TFIP11: variants seen among roughly 807,000 people sequenced by gnomAD.
The protein encoded by TFIP11 is tuftelin interacting protein 11.
Under a neutral mutation model 96.8 loss-of-function variants are expected in TFIP11, and 86 were observed. The ratio of observed to expected loss-of-function variants is 0.89; its 90% confidence interval spans 0.75 to 1.06. TFIP11 has a LOEUF of 1.06. Among genes scored for constraint, TFIP11 ranks in the 50% least tolerant of loss-of-function variants. TFIP11 has a pLI of 0.00. For missense variants in TFIP11, 881 were observed against 1,076.7 expected (o/e 0.82, Z 2.54); for synonymous variants, 405 against 395.2 (o/e 1.02, Z -0.29).
chr22:26,507,693 C>A (rs1331682915), intron 4 of TFIP11, among the ~76,000 whole-genome samples: 1 of 151,478 alleles, frequency 6.6e-6, no homozygotes, highest in Non-Finnish European at 1.5e-5. Flanking sequence ...GAAATTAACT[C>A]TATAAAATGA....
intron 4 of TFIP11, among the ~76,000 whole-genome samples, chr22:26,509,324 C>G (rs1451992038): frequency 6.6e-6 from 1 of 152,180 alleles, no homozygotes; most frequent in Non-Finnish European, 1.5e-5. Context: ...GTCATATCAG[C>G]TTAAGGGTCA....
At chr22:26,505,217 T>C (rs770747490) in intron 6 of TFIP11, among the ~76,000 whole-genome samples, 19 of 150,850 alleles carry the variant, frequency 1.3e-4, no homozygotes, top group Non-Finnish European at 2.7e-4. Flanking sequence ...AGAATCCAAC[T>C]GTTTGGTTTG....
Position 26,491,903 on chromosome 22 carries a change from A to T in TFIP11, c.*110T>A. Reference sequence around the variant, plus strand: ...CTCATGACCTGGCCTGATGTGGAGTAGCTCCTGAGTAAAGAAGTTACCCTT... The same window carrying T: ...CTCATGACCTGGCCTGATGTGGAGTTGCTCCTGAGTAAAGAAGTTACCCTT... On this transcript the variant is annotated 3_prime_UTR_variant, in exon 15 of 15. Transcript: ENST00000407690. The T allele has an allele frequency of 8.7e-7, 1 of 1,143,750 alleles. No individual in the cohort carries two copies. Among genetic ancestry groups the T allele is most frequent in the African/African-American group, 1.5e-5 (1 of 64,622 alleles). 70.9% of individuals were successfully genotyped at this position (1,143,750 alleles called of 1,614,324 possible). A position where few individuals can be genotyped will look rare whatever the true frequency, so the allele number is the denominator to read the frequency against.
chr22:26,498,736 A>G (rs1922371614), intron 10 of TFIP11, 133 bp downstream of exon 10: 4 of 693,368 alleles, frequency 5.8e-6, no homozygotes, highest in Admixed American at 2.4e-5. Context: ...ATGAATTTAA[A>G]TTCCTAAAGC....
chr22:26,508,641 G>A (rs147202964), intron 4 of TFIP11, among the ~76,000 whole-genome samples: 101 of 152,076 alleles, frequency 6.6e-4, no homozygotes, highest in African/African-American at 2.4e-3. Flanking sequence ...GGATGACAAG[G>A]TCAAGAGATC....
intron 4 of TFIP11, among the ~76,000 whole-genome samples, chr22:26,508,664 G>A (rs1923700624): frequency 6.6e-6 from 1 of 152,116 alleles, no homozygotes; most frequent in African/African-American, 2.4e-5. Flanking sequence ...GGCCAACATG[G>A]TGAAACCCCG....
chr22:26,491,487 G>T lies in TFIP11; in HGVS notation c.*526C>A. On this transcript the variant is annotated 3_prime_UTR_variant, in exon 15 of 15. Coordinates refer to ENST00000407690, the MANE Select transcript of TFIP11 (RefSeq NM_012143.4). ...GATTTTAAAAGGACTGGAGGAGCTT[G>T]AGTTTCCTCAGACTTCACAATACAT... 1 of 1,613,550 alleles carries T rather than the reference G, an allele frequency of 6.2e-7. No individual in the cohort carries two copies. The highest frequency in any genetic ancestry group is 8.5e-7 in the Non-Finnish European group (1 of 1,179,954).
At chr22:26,492,477 T>C in intron 14 of TFIP11, 109 bp from the exon 15 acceptor site, 1 of 957,052 alleles carries the variant, frequency 1.0e-6, no homozygotes, top group Non-Finnish European at 1.6e-6. Context: ...TGTGACTCAC[T>C]GAAGGGCAGC....
Position 26,510,232 on chromosome 22 carries a change from A to G in TFIP11, c.41T>C (p.Ile14Thr). 1 of 1,614,054 alleles carries G rather than the reference A, an allele frequency of 6.2e-7. No homozygotes were observed. Among genetic ancestry groups the G allele is most frequent in the Non-Finnish European group, 8.5e-7 (1 of 1,180,024 alleles). ...CTCCCGCTCGTCATCATCATCATCA[A>G]TGCGGCCTTCCCCATCCCGGTATAA... ...SHLYRDGEGR[I>T]DDDDDERENF... Residue 14 changes from isoleucine to threonine, a missense_variant, in exon 4 of 15, where the codon ATT becomes ACT. Physicochemically the swap from Ile to Thr is moderately conservative, Grantham distance 89. Transcript: ENST00000407690.
At position 26,506,819 on chromosome 22, in the gene TFIP11, G is replaced by A; in HGVS notation, c.319C>T (p.Gln107Ter). 1 of 1,614,174 alleles carries A rather than the reference G, an allele frequency of 6.2e-7. No homozygotes were observed. The highest frequency in any genetic ancestry group is 1.1e-5 in the South Asian group (1 of 91,082). The change falls in exon 5 of 15, where the codon CAG becomes TAG. Residue 107 changes from glutamine (Q) to a stop codon, truncating the protein, a stop_gained. Coordinates refer to ENST00000407690, the MANE Select transcript of TFIP11 (RefSeq NM_012143.4). LOFTEE classifies it high-confidence loss of function. ...CCAAAATCCTTAGGAAAGTCGTCCTGCTTAACAGGTTTCTCTTCGTCATCA... is the reference window on the plus strand; with the variant it reads ...CCAAAATCCTTAGGAAAGTCGTCCTACTTAACAGGTTTCTCTTCGTCATCA... ...DSDDEEKPVKQDDFPKDFGPR... is the reference protein window; with the variant it reads ...DSDDEEKPVK
In TFIP11 at chr22:26,494,144, T is replaced by C. The variant is rs939900288; in HGVS notation, c.2153A>G (p.Asn718Ser). ...AAATGGGAATCCTCACTTACCAACGTTGGAGGACACCGCCCGGTTCATGAT... is the reference window on the plus strand; with the variant it reads ...AAATGGGAATCCTCACTTACCAACGCTGGAGGACACCGCCCGGTTCATGAT... ...LDIMNRAVSS[N>S]VGAYMQPGAR... Residue 718 changes from asparagine (N) to serine (S), a missense_variant, in exon 14 of 15, where the codon AAC (asparagine) becomes AGC (serine). Asn to Ser is a conservative substitution (Grantham distance 46). Transcript: ENST00000407690. 3 of 1,613,876 alleles carry C rather than the reference T, an allele frequency of 1.9e-6. No individual in the cohort carries two copies. The highest frequency in any genetic ancestry group is 2.5e-6 in the Non-Finnish European group (3 of 1,179,758).
chr22:26,504,172 T>C (rs1435545330), intron 6 of TFIP11, among the ~76,000 whole-genome samples: 1 of 152,234 alleles, frequency 6.6e-6, no homozygotes, highest in Non-Finnish European at 1.5e-5. Flanking sequence ...ATTCCAATAC[T>C]ATACTGATTC....
rs987312026 is a variant in TFIP11 at position 26,506,782 on chromosome 22, A to G, written c.356T>C (p.Leu119Pro). ...DFPKDFGPRK[L>P]KTGGNFKPSQ... ...TCCTGCAATAGAGACTACCGTTTTT[A>G]GCTTCCTTGGTCCAAAATCCTTAGG... is the stretch of plus-strand genomic sequence containing the variant. The change falls in exon 5 of 15, where the codon CTA (leucine) becomes CCA (proline). Residue 119 changes from leucine (L) to proline (P), a missense_variant. Leu to Pro is a moderately conservative substitution (Grantham distance 98). Coordinates refer to ENST00000407690, the MANE Select transcript of TFIP11 (RefSeq NM_012143.4). 3.7e-6 allele frequency: 6 copies of G among 1,614,082 alleles called. No homozygotes were observed. The highest frequency in any genetic ancestry group is 5.1e-6 in the Non-Finnish European group (6 of 1,180,042).
In TFIP11 at chr22:26,492,030, T is replaced by C; in HGVS notation, c.2497A>G (p.Ile833Val). The C allele has an allele frequency of 6.2e-7, 1 of 1,600,784 alleles. No homozygotes were observed. The highest frequency in any genetic ancestry group is 8.5e-7 in the Non-Finnish European group (1 of 1,173,704). Reference protein sequence around the residue: ...TWVPTSLQSLIDMAK With the variant: ...TWVPTSLQSLVDMAK ...GCCACAGTTCACTTGGCCATGTCGA[T>C]CAGGCTCTGCAGTGAGGTGGGCACC... Residue 833 changes from isoleucine (I) to valine (V), a missense_variant, in exon 15 of 15, where the codon ATC becomes GTC. Coordinates refer to ENST00000407690, the MANE Select transcript of TFIP11 (RefSeq NM_012143.4).
At chr22:26,506,554 A>G in intron 5 of TFIP11, 95 bp from the exon 6 acceptor site, 1 of 1,471,900 alleles carries the variant, frequency 6.8e-7, no homozygotes, top group Non-Finnish European at 9.1e-7. Context: ...CCTAAGTTAT[A>G]CAGCACTATG....
intron 6 of TFIP11, among the ~76,000 whole-genome samples, 167 bp from the exon 7 acceptor site, chr22:26,503,960 T>C (rs1273935517): frequency 2.0e-5 from 3 of 152,192 alleles, no homozygotes; most frequent in Non-Finnish European, 4.4e-5. Context: ...TTGTCCCTTG[T>C]GATTTGAAAC....
At chr22:26,500,279 C>T (rs1328640682) in intron 8 of TFIP11, among the ~76,000 whole-genome samples, 2 of 152,126 alleles carry the variant, frequency 1.3e-5, no homozygotes, top group East Asian at 3.9e-4. Flanking sequence ...AAGCCATTCT[C>T]CTGCCTCAGC....
chr22:26,496,054 C>T lies in TFIP11; in HGVS notation c.1849+19G>A. The T allele has an allele frequency of 6.2e-7, 1 of 1,609,814 alleles. No homozygotes were observed. The highest frequency in any genetic ancestry group is 8.5e-7 in the Non-Finnish European group (1 of 1,177,418). On this transcript the variant is annotated intron_variant, in intron 12 of 14. Coordinates refer to ENST00000407690, the MANE Select transcript of TFIP11 (RefSeq NM_012143.4). The stretch of plus-strand genomic sequence containing the variant: ...CACCAAAGCTGCTGGGCTTGGAATG[C>T]ATTTCCCCTTATCCTTACCCAGCTT...
chr22:26,497,411 C>T (rs963060897), intron 10 of TFIP11, among the ~76,000 whole-genome samples: 1 of 152,172 alleles, frequency 6.6e-6, no homozygotes, highest in African/African-American at 2.4e-5. Context: ...AGGGTAAGCC[C>T]AGCACCTAGC....
Sources: allele counts gnomAD v4.1 joint callset (sites outside exome capture counted in the v4.1 genomes callset), GRCh38; gene constraint gnomAD v4.1.1; transcripts MANE v1.5; gene names NCBI Gene and HGNC (gene_info 2026-07-23, HGNC 2026-07-21).